The following KIF13A variants were observed in gnomAD, a reference collection of about 807,000 sequenced individuals.
KIF13A encodes the protein kinesin family member 13A.
In KIF13A, 79 loss-of-function variants were observed where a neutral mutation model predicts 212.2. That is an observed-to-expected ratio of 0.37 (90% CI 0.31 to 0.45). The LOEUF (loss-of-function observed/expected upper bound fraction) is 0.45, where lower values mean the gene tolerates loss of function less well. Ranked by LOEUF, KIF13A falls within the 20% of genes least tolerant of loss-of-function variation. KIF13A has a pLI of 1.00. For missense variants in KIF13A, 1,901 were observed against 2,209.0 expected (o/e 0.86, Z 2.79); for synonymous variants, 789 against 808.6 (o/e 0.98, Z 0.41).
chr6:17,803,054 C>T (rs568368115), intron 20 of KIF13A, among the ~76,000 whole-genome samples: 6 of 151,944 alleles, frequency 3.9e-5, no homozygotes, highest in African/African-American at 1.4e-4. Context: ...CTGCCTCAGC[C>T]TCCCGAGTAG....
chr6:17,980,285 TA>T (rs1780947250), intron 2 of KIF13A, among the ~76,000 whole-genome samples: 1 of 152,170 alleles, frequency 6.6e-6, no homozygotes. Context: ...TAGGTAGAAT[TA>T]AGATACTTTT....
At position 17,829,936 on chromosome 6, in the gene KIF13A, C is replaced by G. The variant is rs150638779; in HGVS notation, c.1401+1165G>C. 6.6e-6 allele frequency among the ~76,000 whole-genome samples: 1 copy of G among 152,180 alleles called. No homozygotes were observed. The highest frequency in any genetic ancestry group is 2.4e-5 in the African/African-American group (1 of 41,526). ...TCTCACTGTTCTCAAGCAGGCAATA[C>G]CTTCGCATTTAGAGATTCAGGTGTG... On this transcript the variant is annotated intron_variant, in intron 13 of 38. Transcript: ENST00000259711. The surrounding 1 kb of genome is among the most constrained non-coding windows in gnomAD (Gnocchi z 5.4).
intron 28 of KIF13A, among the ~76,000 whole-genome samples, chr6:17,784,244 A>C (rs1029569004): frequency 7.2e-5 from 11 of 152,048 alleles, no homozygotes; most frequent in Non-Finnish European, 1.5e-4. Context: ...ACACAGGGAG[A>C]TCTTGTCTTA....
chr6:17,963,403 A>C lies in KIF13A; in HGVS notation c.146+23651T>G, dbSNP rs1185998892. On this transcript the variant is annotated intron_variant, in intron 2 of 38. Coordinates refer to ENST00000259711, the MANE Select transcript of KIF13A (RefSeq NM_022113.6). This position sits in a 1 kb window ranked among gnomAD's most constrained non-coding sequence, Gnocchi z 4.1. ...GTTGCACTCTAGCCTGGGCAACAAG[A>C]GCAAAACTCCAACTCAAAAAAAATA... is the stretch of plus-strand genomic sequence containing the variant. 6.6e-6 allele frequency among the ~76,000 whole-genome samples: 1 copy of C among 152,126 alleles called. No individual in the cohort carries two copies. Among genetic ancestry groups the C allele is most frequent in the Non-Finnish European group, 1.5e-5 (1 of 68,032 alleles).
At position 17,819,543 on chromosome 6, in the gene KIF13A, C is replaced by G. The variant is rs113618127; in HGVS notation, c.1787-2310G>C. Among the ~76,000 whole-genome samples, 925 of 152,126 alleles carry G rather than the reference C, an allele frequency of 6.1e-3. 7 individuals carry two copies. Among genetic ancestry groups the G allele is most frequent in the African/African-American group, 0.021 (888 of 41,496 alleles). On this transcript the variant is annotated intron_variant, in intron 16 of 38. Transcript: ENST00000259711. The stretch of plus-strand genomic sequence containing the variant: ...TGCCACTGCACTCCAGCCTGGGCAA[C>G]AGAGTGAGACTCCATCTCAAAAAAA...
At chr6:17,985,011 T>C (rs546782323) in intron 2 of KIF13A, among the ~76,000 whole-genome samples, 1 of 152,324 alleles carries the variant, frequency 6.6e-6, no homozygotes, top group East Asian at 1.9e-4. Flanking sequence ...CCAAGCTGCA[T>C]AATGAAAATA....
Position 17,849,347 on chromosome 6 carries a change from C to T in KIF13A, c.830+30G>A, listed in dbSNP as rs1484166470. 6.0e-6 allele frequency: 9 copies of T among 1,498,078 alleles called. No individual in the cohort carries two copies. The highest frequency in any genetic ancestry group is 4.7e-5 in the South Asian group (4 of 86,002). 92.8% of individuals were successfully genotyped at this position (1,498,078 alleles called of 1,614,324 possible). A position where few individuals can be genotyped will look rare whatever the true frequency, so the allele number is the denominator to read the frequency against. On this transcript the variant is annotated intron_variant, in intron 9 of 38. Coordinates refer to ENST00000259711, the MANE Select transcript of KIF13A (RefSeq NM_022113.6). The surrounding 1 kb of genome is among the most constrained non-coding windows in gnomAD (Gnocchi z 5.7). ...ACAAATCCCCTCCAGAAGGAAATCA[C>T]CCAGGCTGTTCTGGGACCAGCCACC...
chr6:17,824,633 C>T (rs185844420), intron 16 of KIF13A, among the ~76,000 whole-genome samples: 5 of 151,842 alleles, frequency 3.3e-5, no homozygotes, highest in African/African-American at 7.2e-5. Flanking sequence ...TGGTCACGGG[C>T]GCCTGTGGTC....
At chr6:17,761,978 C>T (rs529735577), downstream of KIF13A, among the ~76,000 whole-genome samples, 123 of 152,154 alleles carry the variant, frequency 8.1e-4, no homozygotes, top group African/African-American at 2.6e-3. Flanking sequence ...TTTGTGAATA[C>T]CTTATTTCCC....
chr6:17,781,764 C>T (rs952808046), intron 29 of KIF13A, among the ~76,000 whole-genome samples: 1 of 150,938 alleles, frequency 6.6e-6, no homozygotes, highest in Non-Finnish European at 1.5e-5. Flanking sequence ...GTAGCTAGTA[C>T]TACAGGTACA....
chr6:17,762,212 A>AT, downstream of KIF13A, among the ~76,000 whole-genome samples: 2 of 130,112 alleles, frequency 1.5e-5, no homozygotes, highest in East Asian at 4.3e-4. Context: ...GGTGAATTTG[A>AT]ATTTTTTTTT....
At chr6:17,937,260 C>A (rs551665614) in intron 2 of KIF13A, among the ~76,000 whole-genome samples, 53 of 152,302 alleles carry the variant, frequency 3.5e-4, no homozygotes, top group African/African-American at 1.2e-3. Context: ...TGGAGAACAG[C>A]AACCAACAGA....
At position 17,777,364 on chromosome 6, in the gene KIF13A, T is replaced by C. The variant is rs1226464682; in HGVS notation, c.4093-10A>G. 1 of 1,598,876 alleles carries C rather than the reference T, an allele frequency of 6.3e-7. No homozygotes were observed. Among genetic ancestry groups the C allele is most frequent in the South Asian group, 1.1e-5 (1 of 89,480 alleles). On this transcript the variant is annotated splice_polypyrimidine_tract_variant and intron_variant, in intron 33 of 38. Transcript: ENST00000259711. This position sits in a 1 kb window ranked among gnomAD's most constrained non-coding sequence, Gnocchi z 4.4. ...CTTTGACTGTGACGGCCTGTAAACA[T>C]AATAATTTGAAAATAACACTTTTTT...
At chr6:17,942,709 G>A (rs549642625) in intron 2 of KIF13A, among the ~76,000 whole-genome samples, 1 of 152,250 alleles carries the variant, frequency 6.6e-6, no homozygotes, top group African/African-American at 2.4e-5. Flanking sequence ...CGGGCGCAGT[G>A]GCTCACGCCT....
chr6:17,799,444 A>C lies in KIF13A; in HGVS notation c.2617-5T>G. 6.6e-7 allele frequency: 1 copy of C among 1,523,226 alleles called. No individual in the cohort carries two copies. The highest frequency in any genetic ancestry group is 1.7e-4 in the Middle Eastern group (1 of 5,788). The allele number at this position is 1,523,226 out of a possible 1,614,324, so 94.4% of individuals were successfully genotyped here. Reference sequence around the variant, plus strand: ...CGTTGCTTCTTTAATTTTTACCTGAAGAGATAAACAATACAAATAAAACTC... The same window carrying C: ...CGTTGCTTCTTTAATTTTTACCTGACGAGATAAACAATACAAATAAAACTC... On this transcript the variant is annotated splice_region_variant and splice_polypyrimidine_tract_variant and intron_variant, in intron 21 of 38. Coordinates refer to ENST00000259711, the MANE Select transcript of KIF13A (RefSeq NM_022113.6). This position sits in a 1 kb window ranked among gnomAD's most constrained non-coding sequence, Gnocchi z 4.4.
At chr6:17,778,839 C>T in intron 33 of KIF13A, 108 bp downstream of exon 33, 3 of 1,276,502 alleles carry the variant, frequency 2.4e-6, no homozygotes, top group East Asian at 2.5e-5. Context: ...GGCTCAAGTG[C>T]TCCTTCTCTG....
chr6:17,847,562 G>C (rs1767198724), intron 9 of KIF13A, among the ~76,000 whole-genome samples: 1 of 152,120 alleles, frequency 6.6e-6, no homozygotes, highest in East Asian at 1.9e-4. Flanking sequence ...ACATGTTCCT[G>C]AATACATTTC....
At chr6:17,875,976 CTT>C (rs1410796665) in intron 3 of KIF13A, among the ~76,000 whole-genome samples, 1 of 152,150 alleles carries the variant, frequency 6.6e-6, no homozygotes, top group Admixed American at 6.5e-5. Flanking sequence ...CTTCCAGAGA[CTT>C]TTCAGAAATG....
In KIF13A at chr6:17,800,053, C is replaced by A. The variant is rs753372514; in HGVS notation, c.2515G>T (p.Val839Leu). 6.2e-7 allele frequency: 1 copy of A among 1,614,020 alleles called. No homozygotes were observed. The highest frequency in any genetic ancestry group is 8.5e-7 in the Non-Finnish European group (1 of 1,179,900). The change falls in exon 21 of 39, where the codon GTG becomes TTG. Residue 839 changes from valine to leucine, a missense_variant. Transcript: ENST00000259711. ...RVTGAVPERV[V>L]EDDSSENSSE... Reference sequence around the variant, plus strand: ...GAATTCTCCGAAGAGTCATCCTCCACCACACGCTCTGGAACAGCTCCTGTA... The same window carrying A: ...GAATTCTCCGAAGAGTCATCCTCCAACACACGCTCTGGAACAGCTCCTGTA...
Sources: allele counts gnomAD v4.1 joint callset (sites outside exome capture counted in the v4.1 genomes callset), GRCh38; gene constraint gnomAD v4.1.1; non-coding constraint Gnocchi (gnomAD v3.1); transcripts MANE v1.5; gene names NCBI Gene and HGNC (gene_info 2026-07-23, HGNC 2026-07-21).